Variants in MARCHF4 observed in about 807,000 individuals in gnomAD.
MARCHF4 encodes the protein E3 ubiquitin-protein ligase MARCHF4.
In MARCHF4, 14 loss-of-function variants were observed where a neutral mutation model predicts 43.9. That is an observed-to-expected ratio of 0.32 (90% CI 0.21 to 0.50). The LOEUF (loss-of-function observed/expected upper bound fraction) is 0.50, where lower values mean the gene tolerates loss of function less well. MARCHF4 is among the 20% of genes least tolerant of loss of function. MARCHF4 has a pLI of 0.98. For synonymous variants in MARCHF4, 226 were observed against 213.3 expected, an observed-to-expected ratio of 1.06 and a Z score of -0.52; for missense variants, 468 against 536.7, an observed-to-expected ratio of 0.87 and a Z score of 1.27.
At chr2:216,301,924 C>T (rs1056136205) in intron 1 of MARCHF4, among the ~76,000 whole-genome samples, 7 of 152,154 alleles carry the variant, frequency 4.6e-5, no homozygotes, top group South Asian at 4.1e-4. Flanking sequence ...AACATGTCTT[C>T]GTGATTCCTT....
chr2:216,304,254 G>A (rs1245938271), intron 1 of MARCHF4, among the ~76,000 whole-genome samples: 2 of 152,120 alleles, frequency 1.3e-5, no homozygotes, highest in African/African-American at 4.8e-5. Context: ...CTTGACATGG[G>A]GACATAAGTA....
intron 1 of MARCHF4, among the ~76,000 whole-genome samples, chr2:216,310,805 A>G (rs6715792): frequency 0.047 from 7,085 of 152,186 alleles, 544 homozygotes; most frequent in African/African-American, 0.16. Flanking sequence ...TGTGGCATTC[A>G]GGGCTTCATC....
At chr2:216,354,891 T>TTTTCTTTCTTTCTTTCTTTCTTTCTTTC (rs71054468) in intron 1 of MARCHF4, among the ~76,000 whole-genome samples, 19 of 86,788 alleles carry the variant, frequency 2.2e-4, no homozygotes, top group East Asian at 1.5e-3. Context: ...TTAATAATTG[T>TTTTCTTTCTTTCTTTCTTTCTTTCTTTC]TTTCTTTCTT....
chr2:216,358,265 TGCCTGACTCTACAA>T lies in MARCHF4; in HGVS notation c.516+11466_516+11479del, dbSNP rs1692530028. ...TAACAATGGGATCTGAAAGCAGTTC[TGCCTGACTCTACAA>T]GCCCGTGTTCTTATCAACCTTGCTA... On this transcript the variant is annotated intron_variant, in intron 1 of 3. Transcript: ENST00000273067. Among the ~76,000 whole-genome samples the T allele has an allele frequency of 2.0e-5, 3 of 152,354 alleles. No homozygotes were observed. In the South Asian group the frequency reaches 6.2e-4, roughly 32 times the overall value.
intron 1 of MARCHF4, among the ~76,000 whole-genome samples, chr2:216,317,014 A>G (rs1691788726): frequency 6.6e-6 from 1 of 152,180 alleles, no homozygotes; most frequent in Non-Finnish European, 1.5e-5. Context: ...AGGGAGGGAA[A>G]GGATGAGCAC....
At chr2:216,339,333 A>T (rs1446795429) in intron 1 of MARCHF4, among the ~76,000 whole-genome samples, 1 of 152,030 alleles carries the variant, frequency 6.6e-6, no homozygotes, top group Non-Finnish European at 1.5e-5. Flanking sequence ...CCACCCTCCT[A>T]CTTCCCATGG....
chr2:216,260,729 A>C (rs1366317993), intron 3 of MARCHF4, among the ~76,000 whole-genome samples: 1 of 152,156 alleles, frequency 6.6e-6, no homozygotes, highest in African/African-American at 2.4e-5. Flanking sequence ...CCTGAGTATA[A>C]TGGGAAGCTA....
chr2:216,284,366 G>A lies in MARCHF4; in HGVS notation c.517-637C>T, dbSNP rs550485471. Among the ~76,000 whole-genome samples the A allele has an allele frequency of 2.6e-5, 4 of 152,314 alleles. No individual in the cohort carries two copies. In the East Asian group the frequency reaches 7.7e-4, roughly 29 times the overall value. On this transcript the variant is annotated intron_variant, in intron 1 of 3. Transcript: ENST00000273067. Reference sequence around the variant, plus strand: ...GACTCAACTGAGCAAGATGGTGTGAGGATTTGAAACTTCCTTTGAGTGGAC... The same window carrying A: ...GACTCAACTGAGCAAGATGGTGTGAAGATTTGAAACTTCCTTTGAGTGGAC...
chr2:216,322,559 C>G (rs146009046), intron 1 of MARCHF4, among the ~76,000 whole-genome samples: 2 of 152,190 alleles, frequency 1.3e-5, no homozygotes, highest in Non-Finnish European at 2.9e-5. Flanking sequence ...CGGTGGCTCA[C>G]GCCTGTAATC....
intron 1 of MARCHF4, among the ~76,000 whole-genome samples, chr2:216,293,563 T>G (rs1300911150): frequency 8.7e-6 from 1 of 115,052 alleles, no homozygotes; most frequent in Non-Finnish European, 1.8e-5. Flanking sequence ...TGCTCATCAT[T>G]TCAATGTAAA....
chr2:216,372,295 T>C lies in MARCHF4; in HGVS notation c.-2035A>G, dbSNP rs1328559890. ...TTGCAGCGAGGGAGGCTCTCGGCTA[T>C]CTCCGCCGCCGGCGCCGCGGCCGCC... On this transcript the variant is annotated 5_prime_UTR_variant, in exon 1 of 4. Transcript: ENST00000273067. 6.6e-6 allele frequency among the ~76,000 whole-genome samples: 1 copy of C among 151,844 alleles called. No homozygotes were observed. Among genetic ancestry groups the C allele is most frequent in the Non-Finnish European group, 1.5e-5 (1 of 67,984 alleles).
chr2:216,347,360 A>C (rs981155378), intron 1 of MARCHF4, among the ~76,000 whole-genome samples: 1 of 152,328 alleles, frequency 6.6e-6, no homozygotes, highest in Middle Eastern at 3.4e-3. Flanking sequence ...AGAATGGAGA[A>C]AATAAAAATG....
At chr2:216,341,920 T>C (rs1443826298) in intron 1 of MARCHF4, among the ~76,000 whole-genome samples, 1 of 152,068 alleles carries the variant, frequency 6.6e-6, no homozygotes, top group Non-Finnish European at 1.5e-5. Context: ...TACGGCAATA[T>C]TAAATATCAG....
chr2:216,282,614 G>T (rs898341899), intron 2 of MARCHF4, among the ~76,000 whole-genome samples: 2 of 152,224 alleles, frequency 1.3e-5, no homozygotes, highest in Non-Finnish European at 2.9e-5. Context: ...GAAGCAAAAT[G>T]CTCTTTGTAT....
chr2:216,293,836 C>T (rs937873330), intron 1 of MARCHF4, among the ~76,000 whole-genome samples: 1 of 131,796 alleles, frequency 7.6e-6, no homozygotes, highest in Admixed American at 7.7e-5. Context: ...ACATGATCTG[C>T]ATAATAAACA....
chr2:216,296,942 T>C (rs897021657), intron 1 of MARCHF4, among the ~76,000 whole-genome samples: 1 of 152,126 alleles, frequency 6.6e-6, no homozygotes, highest in Non-Finnish European at 1.5e-5. Context: ...CCCTGGGAGA[T>C]TGATGCCTCG....
At chr2:216,325,202 A>G (rs1691968817) in intron 1 of MARCHF4, among the ~76,000 whole-genome samples, 1 of 152,144 alleles carries the variant, frequency 6.6e-6, no homozygotes, top group African/African-American at 2.4e-5. Context: ...TCATGAGTGA[A>G]CTCCCATTCA....
intron 1 of MARCHF4, among the ~76,000 whole-genome samples, chr2:216,354,910 T>TCTTC (rs1559106524): frequency 1.4e-4 from 12 of 85,592 alleles, no homozygotes; most frequent in South Asian, 5.1e-4. Flanking sequence ...TTTCTTTCTT[T>TCTTC]CTTTCTTTCT....
chr2:216,365,737 G>A (rs919781655), intron 1 of MARCHF4, among the ~76,000 whole-genome samples: 1 of 152,190 alleles, frequency 6.6e-6, no homozygotes, highest in Non-Finnish European at 1.5e-5. Context: ...TTTTAAACAT[G>A]CATCTCCTTC....
Sources: allele counts gnomAD v4.1 joint callset (sites outside exome capture counted in the v4.1 genomes callset), GRCh38; gene constraint gnomAD v4.1.1; transcripts MANE v1.5; gene names NCBI Gene and HGNC (gene_info 2026-07-23, HGNC 2026-07-21).